Variants in EVC2 observed in about 807,000 individuals in gnomAD.
The protein encoded by EVC2 is limbin.
In EVC2, 148 loss-of-function variants were observed where a neutral mutation model predicts 149.3. The observed-to-expected ratio is 0.99, with a 90% CI of 0.87 to 1.14. The LOEUF (loss-of-function observed/expected upper bound fraction) is 1.14, where lower values mean the gene tolerates loss of function less well. Among genes scored for constraint, EVC2 ranks in the 50% most tolerant of loss-of-function variants. The pLI is 0.00. For missense variants in EVC2, 1,854 were observed against 1,627.3 expected, an observed-to-expected ratio of 1.14 and a Z score of -2.40; for synonymous variants, 776 against 649.9, an observed-to-expected ratio of 1.19 and a Z score of -2.95.
chr4:5,608,081 G>A (rs1325785345), intron 16 of EVC2, among the ~76,000 whole-genome samples: 1 of 152,090 alleles, frequency 6.6e-6, no homozygotes, highest in Non-Finnish European at 1.5e-5. Context: ...ACTCGATGCT[G>A]GTGTGGCTGC....
intron 16 of EVC2, among the ~76,000 whole-genome samples, chr4:5,600,936 G>T (rs1206936303): frequency 2.0e-5 from 3 of 152,192 alleles, no homozygotes; most frequent in Admixed American, 6.5e-5. Context: ...TGAAAACACA[G>T]GGTCCTAGTG....
intron 16 of EVC2, among the ~76,000 whole-genome samples, chr4:5,615,116 G>C (rs1254790990): frequency 6.6e-6 from 1 of 152,198 alleles, no homozygotes; most frequent in Non-Finnish European, 1.5e-5. Context: ...CCCCAGGATA[G>C]AGCCAGGCAC....
rs373232667 is a variant in EVC2, at chr4:5,615,392, GA to G, written c.2829+29del. On this transcript the variant is annotated intron_variant, in intron 16 of 21. Transcript: ENST00000344408. ...AGAGCAGCCCCGCCATGTGCAGAGA[GA>G]AACAGCTGGGTGAAGCAGATGTACT... 7.0e-4 allele frequency: 1,128 copies of G among 1,614,086 alleles called. 2 individuals carry two copies. The African/African-American group carries it at 0.012, about 17-fold the overall frequency.
chr4:5,612,937 A>C (rs1324267373), intron 16 of EVC2, among the ~76,000 whole-genome samples: 1 of 150,776 alleles, frequency 6.6e-6, no homozygotes, highest in African/African-American at 2.4e-5. Flanking sequence ...AAAAAAAAAA[A>C]AAAAAAAAAA....
intron 19 of EVC2, 92 bp downstream of exon 19, chr4:5,574,593 C>G: frequency 7.5e-7 from 1 of 1,330,012 alleles, no homozygotes; most frequent in Non-Finnish European, 1.1e-6. Flanking sequence ...TTTTCATCAC[C>G]ATCCTGGAGG....
intron 17 of EVC2, among the ~76,000 whole-genome samples, chr4:5,583,550 CT>C (rs1164619157): frequency 4.6e-5 from 7 of 151,314 alleles, no homozygotes; most frequent in African/African-American, 9.7e-5. Flanking sequence ...GGTTATCAGA[CT>C]TTTTTTTTCT....
intron 17 of EVC2, among the ~76,000 whole-genome samples, chr4:5,581,173 T>C (rs1711730966): frequency 6.6e-6 from 1 of 152,226 alleles, no homozygotes; most frequent in African/African-American, 2.4e-5. Context: ...TTTATAGCAA[T>C]GTGAGAACAG....
At chr4:5,690,487 G>A (rs1560229517) in intron 4 of EVC2, among the ~76,000 whole-genome samples, 1 of 151,502 alleles carries the variant, frequency 6.6e-6, no homozygotes, top group Non-Finnish European at 1.5e-5. Flanking sequence ...GGGTGCCTTG[G>A]ACCCTGCTGT....
At chr4:5,664,707 G>C (rs7653966) in intron 8 of EVC2, among the ~76,000 whole-genome samples, 53,137 of 151,984 alleles carry the variant, frequency 0.35, 10,075 homozygotes, top group East Asian at 0.48. Flanking sequence ...CCCTGGGCAG[G>C]ACTAAGCCCC....
intron 18 of EVC2, among the ~76,000 whole-genome samples, chr4:5,575,258 T>A (rs115564499): frequency 0.014 from 2,106 of 152,332 alleles, 26 homozygotes; most frequent in Non-Finnish European, 0.023. Flanking sequence ...GCTTTGTGGA[T>A]CTGCCTCGTG....
chr4:5,565,611 T>C (rs925757502), intron 20 of EVC2, among the ~76,000 whole-genome samples: 1 of 150,184 alleles, frequency 6.7e-6, no homozygotes, highest in Non-Finnish European at 1.5e-5. Flanking sequence ...AGGCGGAGGT[T>C]GCAGTGAGCT....
At chr4:5,591,144 A>C (rs1712759069) in intron 16 of EVC2, among the ~76,000 whole-genome samples, 1 of 152,188 alleles carries the variant, frequency 6.6e-6, no homozygotes, top group Admixed American at 6.5e-5. Context: ...ACACTTGTGC[A>C]TGTTTCTCGT....
At position 5,640,552 on chromosome 4, in the gene EVC2, C is replaced by T. The variant is rs768691227; in HGVS notation, c.1432G>A (p.Glu478Lys). Residue 478 changes from glutamate to lysine, a missense_variant, in exon 10 of 22, where the codon GAG becomes AAG. Physicochemically the swap from Glu to Lys is moderately conservative, Grantham distance 56. Transcript: ENST00000344408. The surrounding 1 kb of genome is among the most constrained non-coding windows in gnomAD (Gnocchi z 4.6). ...NQYQREMMAMEEAEELLKRAG... is the reference protein window; with the variant it reads ...NQYQREMMAMKEAEELLKRAG... The stretch of plus-strand genomic sequence containing the variant: ...CGTTTCAGCAACTCTTCTGCTTCCT[C>T]CATTGCCATCATCTCTCTCTGGTAC... 4.3e-6 allele frequency: 7 copies of T among 1,614,182 alleles called. No individual in the cohort carries two copies. In the South Asian group the frequency reaches 7.7e-5, roughly 18 times the overall value.
chr4:5,629,195 C>G (rs964296625), intron 11 of EVC2, among the ~76,000 whole-genome samples: 1 of 152,172 alleles, frequency 6.6e-6, no homozygotes, highest in African/African-American at 2.4e-5. Context: ...GAAGGTTTTT[C>G]CTCAGCCTAC....
intron 16 of EVC2, among the ~76,000 whole-genome samples, chr4:5,598,543 T>C (rs990276526): frequency 5.3e-5 from 8 of 152,132 alleles, no homozygotes; most frequent in East Asian, 1.9e-4. Context: ...TGGATCCCTT[T>C]CTTACACCTT....
intron 1 of EVC2, among the ~76,000 whole-genome samples, chr4:5,706,538 A>G (rs758217482): frequency 1.2e-4 from 18 of 151,924 alleles, no homozygotes; most frequent in Non-Finnish European, 2.5e-4. Flanking sequence ...GCATCATATA[A>G]TTACAATAGG....
intron 19 of EVC2, among the ~76,000 whole-genome samples, chr4:5,573,676 G>A (rs112272467): frequency 6.6e-6 from 1 of 152,358 alleles, no homozygotes; most frequent in African/African-American, 2.4e-5. Flanking sequence ...GCTGTGATAA[G>A]CTGCTGTTTG....
At chr4:5,529,703 C>T in the EVC2 span, among the ~76,000 whole-genome samples, 1 of 151,978 alleles carries the variant, frequency 6.6e-6, no homozygotes, top group Admixed American at 6.6e-5. The surrounding 1 kb of genome is among the most constrained non-coding windows in gnomAD (Gnocchi z 4.5). Context: ...TTATGCCATC[C>T]TATGTTTTTG....
the EVC2 span, among the ~76,000 whole-genome samples, chr4:5,531,572 A>G: frequency 6.6e-6 from 1 of 152,140 alleles, no homozygotes; most frequent in Non-Finnish European, 1.5e-5. Context: ...CTGTCAGATC[A>G]GTGGCGGCAT....
Sources: gnomAD v4.1 joint callset for allele counts (sites outside exome capture counted in the v4.1 genomes callset) on GRCh38, gnomAD v4.1.1 for gene constraint, Gnocchi (gnomAD v3.1) non-coding constraint, MANE v1.5 for transcripts, NCBI Gene and HGNC (gene_info 2026-07-23, HGNC 2026-07-21) for gene names.